Variants in NKAIN2 observed in about 807,000 individuals in gnomAD.
NKAIN2 encodes the protein sodium/potassium transporting ATPase interacting 2, also known as sodium/potassium-transporting ATPase subunit beta-1-interacting protein 2.
A neutral mutation model predicts 32.6 loss-of-function variants in NKAIN2; 14 were observed. The observed-to-expected ratio is 0.43, with a 90% CI of 0.28 to 0.67. The LOEUF is 0.67. Ranked by LOEUF, NKAIN2 falls within the 30% of genes least tolerant of loss-of-function variation. The probability of loss-of-function intolerance (pLI) is 0.17; values close to 1 mark genes in which losing one functional copy is unlikely to be tolerated. For missense variants in NKAIN2, 198 were observed against 258.3 expected (o/e 0.77, Z 1.60); for synonymous variants, 80 against 87.2 (o/e 0.92, Z 0.46).
chr6:123,812,779 C>T (rs116318809), intron 1 of NKAIN2, among the ~76,000 whole-genome samples: 1 of 152,144 alleles, frequency 6.6e-6, no homozygotes, highest in East Asian at 1.9e-4. Context: ...GTTTTTTAAT[C>T]AATGCATTAC....
chr6:123,902,266 G>A (rs1774629204), intron 1 of NKAIN2, among the ~76,000 whole-genome samples: 1 of 152,074 alleles, frequency 6.6e-6, no homozygotes, highest in African/African-American at 2.4e-5. Context: ...TGGACTGGAT[G>A]GATTTGATAG....
At chr6:124,387,069 C>T (rs1321521459) in intron 3 of NKAIN2, among the ~76,000 whole-genome samples, 2 of 152,066 alleles carry the variant, frequency 1.3e-5, no homozygotes, top group Admixed American at 1.3e-4. Flanking sequence ...TATTTTGGCT[C>T]AACAACTTTG....
At chr6:124,533,205 C>A (rs1034840353) in intron 3 of NKAIN2, among the ~76,000 whole-genome samples, 8 of 152,082 alleles carry the variant, frequency 5.3e-5, no homozygotes, top group African/African-American at 1.7e-4. Flanking sequence ...GCCTCCTACT[C>A]TGCCATATTC....
chr6:124,413,810 A>T (rs1396946922), intron 3 of NKAIN2, among the ~76,000 whole-genome samples: 3 of 152,140 alleles, frequency 2.0e-5, no homozygotes, highest in African/African-American at 2.4e-5. Flanking sequence ...TGGAAATGGT[A>T]TTTTTATTTC....
intron 1 of NKAIN2, among the ~76,000 whole-genome samples, chr6:124,115,733 C>A (rs1327684678): frequency 6.6e-6 from 1 of 151,986 alleles, no homozygotes; most frequent in Non-Finnish European, 1.5e-5. Flanking sequence ...ATCAGTTACA[C>A]CATATACCAT....
chr6:124,266,154 T>C (rs891015327), intron 1 of NKAIN2, among the ~76,000 whole-genome samples: 3 of 152,242 alleles, frequency 2.0e-5, no homozygotes, highest in Non-Finnish European at 4.4e-5. Flanking sequence ...ATGATGATTC[T>C]TTATATAAAG....
At chr6:124,648,262 G>A (rs1053754380) in intron 3 of NKAIN2, among the ~76,000 whole-genome samples, 1 of 152,140 alleles carries the variant, frequency 6.6e-6, no homozygotes, top group Non-Finnish European at 1.5e-5. Context: ...CCTGAGTTAG[G>A]CTCCTACTCT....
chr6:124,493,404 A>G (rs1160640870), intron 3 of NKAIN2, among the ~76,000 whole-genome samples: 1 of 151,994 alleles, frequency 6.6e-6, no homozygotes, highest in Non-Finnish European at 1.5e-5. Flanking sequence ...ACTCCTATGA[A>G]TTCAGGGTAA....
At chr6:124,239,130 T>G (rs1792937186) in intron 1 of NKAIN2, among the ~76,000 whole-genome samples, 1 of 151,924 alleles carries the variant, frequency 6.6e-6, no homozygotes, top group South Asian at 2.1e-4. Flanking sequence ...AAAACAGACT[T>G]TAAACCAACA....
chr6:124,546,663 T>C (rs938326939), intron 3 of NKAIN2, among the ~76,000 whole-genome samples: 1 of 152,106 alleles, frequency 6.6e-6, no homozygotes, highest in Non-Finnish European at 1.5e-5. Context: ...ACATCAAAAG[T>C]AGATATGCTT....
chr6:124,026,564 A>C (rs2114773815), intron 1 of NKAIN2, among the ~76,000 whole-genome samples: 1 of 152,278 alleles, frequency 6.6e-6, no homozygotes, highest in Middle Eastern at 3.4e-3. Context: ...CAAATCTGGG[A>C]TATCCATGAC....
intron 1 of NKAIN2, among the ~76,000 whole-genome samples, chr6:124,027,712 G>T (rs1781177882): frequency 9.0e-6 from 1 of 110,720 alleles, no homozygotes; most frequent in Non-Finnish European, 1.9e-5. Context: ...CAACTGTCAA[G>T]TTCCAAATTA....
At chr6:124,400,175 C>A (rs150978536) in intron 3 of NKAIN2, among the ~76,000 whole-genome samples, 1 of 152,144 alleles carries the variant, frequency 6.6e-6, no homozygotes, top group Admixed American at 6.6e-5. Flanking sequence ...GAATCTCCTG[C>A]GGATCTTTAA....
At chr6:124,271,230 T>G (rs1794750503) in intron 1 of NKAIN2, among the ~76,000 whole-genome samples, 1 of 152,180 alleles carries the variant, frequency 6.6e-6, no homozygotes, top group Admixed American at 6.5e-5. Context: ...TTTCTTATTT[T>G]TTTTTGAGAC....
At chr6:124,713,376 A>G (rs745583746) in intron 4 of NKAIN2, among the ~76,000 whole-genome samples, 3 of 152,222 alleles carry the variant, frequency 2.0e-5, no homozygotes, top group Non-Finnish European at 2.9e-5. Flanking sequence ...AGTACAGAGT[A>G]GGGTGGTATG....
chr6:124,737,962 A>T (rs2114680857), intron 4 of NKAIN2, among the ~76,000 whole-genome samples: 1 of 151,990 alleles, frequency 6.6e-6, no homozygotes, highest in Admixed American at 6.6e-5. Context: ...AGAGCATAAA[A>T]GTTTGGAAAA....
intron 3 of NKAIN2, among the ~76,000 whole-genome samples, chr6:124,398,557 C>T (rs1773494495): frequency 6.6e-6 from 1 of 152,100 alleles, no homozygotes; most frequent in African/African-American, 2.4e-5. Context: ...GTTTATAGTT[C>T]ACTCATAGGC....
chr6:124,146,680 A>T (rs1787425234), intron 1 of NKAIN2, among the ~76,000 whole-genome samples: 1 of 152,210 alleles, frequency 6.6e-6, no homozygotes, highest in African/African-American at 2.4e-5. Context: ...ATTCATTAGA[A>T]ATGAATAAAC....
chr6:124,780,021 T>A (rs1337872), intron 4 of NKAIN2, among the ~76,000 whole-genome samples: 139,144 of 152,284 alleles, frequency 0.91, 64,110 homozygotes, highest in East Asian at 1. Flanking sequence ...TGAATTACTG[T>A]TAGATGCAGT....
Sources: gnomAD v4.1 joint callset for allele counts (sites outside exome capture counted in the v4.1 genomes callset) on GRCh38, gnomAD v4.1.1 for gene constraint, MANE v1.5 for transcripts, NCBI Gene and HGNC (gene_info 2026-07-23, HGNC 2026-07-21) for gene names.